Variants in CDH12 observed in about 807,000 individuals in gnomAD.
The protein encoded by CDH12 is cadherin 12, also known as cadherin-12.
CDH12 carries 41 observed loss-of-function variants against 74.1 expected under a neutral mutation model. The observed-to-expected ratio is 0.55, with a 90% CI of 0.43 to 0.72. The LOEUF is 0.72. Ranked by LOEUF, CDH12 falls within the 30% of genes least tolerant of loss-of-function variation. The pLI, the probability that CDH12 is intolerant of heterozygous loss-of-function variation, is 0.00. For synonymous variants in CDH12, 399 were observed against 355.0 expected, an observed-to-expected ratio of 1.12 and a Z score of -1.39; for missense variants, 945 against 977.2, an observed-to-expected ratio of 0.97 and a Z score of 0.44.
At chr5:21,936,312 C>T (rs1372186462) in intron 6 of CDH12, among the ~76,000 whole-genome samples, 2 of 152,116 alleles carry the variant, frequency 1.3e-5, no homozygotes, top group African/African-American at 4.8e-5. Context: ...ACTTTTTCCC[C>T]ACACATTTCT....
chr5:22,063,961 A>G (rs1456886327), intron 5 of CDH12, among the ~76,000 whole-genome samples: 1 of 149,862 alleles, frequency 6.7e-6, no homozygotes, highest in Non-Finnish European at 1.5e-5. Flanking sequence ...CTCATATATC[A>G]GAAACTGACT....
intron 4 of CDH12, among the ~76,000 whole-genome samples, chr5:22,200,910 GT>G (rs1267602986): frequency 6.6e-6 from 1 of 152,190 alleles, no homozygotes; most frequent in Admixed American, 6.5e-5. Context: ...ATTCAATGAT[GT>G]AATGAGTTCT....
chr5:22,084,184 T>C (rs1742921122), intron 4 of CDH12, among the ~76,000 whole-genome samples: 1 of 152,084 alleles, frequency 6.6e-6, no homozygotes, highest in Non-Finnish European at 1.5e-5. Context: ...AAGAAATAGC[T>C]GTTGTACAGA....
Position 22,493,380 on chromosome 5 carries a change from C to T in CDH12, c.-428+11890G>A, listed in dbSNP as rs190678814. ...ATACTGGGTTTGTTGAAGTCTCTAC[C>T]AAGGCACTCAAATAGGTGCATGAAA... On this transcript the variant is annotated intron_variant, in intron 2 of 14. Coordinates refer to ENST00000382254, the MANE Select transcript of CDH12 (RefSeq NM_004061.5). Among the ~76,000 whole-genome samples, 43 of 152,196 alleles carry T rather than the reference C, an allele frequency of 2.8e-4. No homozygotes were observed. In the East Asian group the frequency reaches 3.1e-3, roughly 11 times the overall value.
intron 8 of CDH12, among the ~76,000 whole-genome samples, chr5:21,832,793 AATAT>A (rs1360591466): frequency 8.8e-5 from 9 of 102,308 alleles, no homozygotes; most frequent in African/African-American, 1.1e-4. Flanking sequence ...TATATCATAT[AATAT>A]ATATATTATC....
intron 1 of CDH12, among the ~76,000 whole-genome samples, chr5:22,570,462 A>C (rs958539076): frequency 6.6e-6 from 1 of 152,168 alleles, no homozygotes; most frequent in Non-Finnish European, 1.5e-5. Flanking sequence ...ATCCCTGCGT[A>C]TATCTCCCTC....
chr5:22,472,637 C>A (rs1212744625), intron 2 of CDH12, among the ~76,000 whole-genome samples: 2 of 152,022 alleles, frequency 1.3e-5, no homozygotes, highest in Non-Finnish European at 2.9e-5. Flanking sequence ...AAAAAAAAAT[C>A]TATTATACTG....
intron 6 of CDH12, among the ~76,000 whole-genome samples, chr5:21,898,274 T>C (rs1579929829): frequency 1.3e-5 from 2 of 151,902 alleles, no homozygotes; most frequent in African/African-American, 4.8e-5. Flanking sequence ...CAGGATGGAG[T>C]GTAGTGGTGT....
chr5:22,616,737 T>A (rs531350628), intron 1 of CDH12, among the ~76,000 whole-genome samples: 1 of 152,070 alleles, frequency 6.6e-6, no homozygotes, highest in Admixed American at 6.6e-5. Context: ...ATGATCTGAA[T>A]GTCTGTGTCC....
intron 2 of CDH12, among the ~76,000 whole-genome samples, chr5:22,450,147 T>C (rs1744986057): frequency 6.6e-6 from 1 of 152,032 alleles, no homozygotes; most frequent in African/African-American, 2.4e-5. Context: ...CATTAATCTA[T>C]ATTATAGCTC....
chr5:22,742,303 C>T (rs1220264557), intron 1 of CDH12, among the ~76,000 whole-genome samples: 4 of 152,066 alleles, frequency 2.6e-5, no homozygotes, highest in African/African-American at 7.2e-5. Flanking sequence ...ATTGTCACTG[C>T]AATCAAGATC....
intron 1 of CDH12, among the ~76,000 whole-genome samples, chr5:22,740,906 A>G (rs1356042859): frequency 2.0e-5 from 3 of 152,142 alleles, no homozygotes; most frequent in Non-Finnish European, 1.5e-5. Flanking sequence ...TTAAATGAAC[A>G]TTGAGATATT....
chr5:22,394,290 A>T (rs967536476), intron 3 of CDH12, among the ~76,000 whole-genome samples: 1 of 152,290 alleles, frequency 6.6e-6, no homozygotes, highest in Admixed American at 6.5e-5. Context: ...ACTGTGATTC[A>T]CACAGGAGAA....
intron 3 of CDH12, among the ~76,000 whole-genome samples, chr5:22,282,984 C>A (rs150559435): frequency 0.038 from 5,838 of 151,858 alleles, 391 homozygotes; most frequent in African/African-American, 0.13. Flanking sequence ...GACTTGGAAC[C>A]AACCCAACTG....
At chr5:22,638,712 T>G (rs1403739460) in intron 1 of CDH12, 1 of 152,054 alleles carries the variant, frequency 6.6e-6, no homozygotes, top group Non-Finnish European at 1.5e-5. Context: ...ATGGTAGAGG[T>G]ATGCTCAGGA....
intron 6 of CDH12, among the ~76,000 whole-genome samples, chr5:21,954,310 T>C (rs1388236615): frequency 1.3e-5 from 2 of 152,000 alleles, no homozygotes; most frequent in African/African-American, 2.4e-5. Context: ...AATTAAATGT[T>C]ACATATTCCT....
chr5:22,068,130 A>G (rs540669954), intron 5 of CDH12, among the ~76,000 whole-genome samples: 2 of 152,300 alleles, frequency 1.3e-5, no homozygotes, highest in Admixed American at 1.3e-4. Flanking sequence ...TGACCCAGCA[A>G]GCCATAAAGT....
At chr5:22,577,416 G>A (rs1465857810) in intron 1 of CDH12, among the ~76,000 whole-genome samples, 3 of 152,042 alleles carry the variant, frequency 2.0e-5, no homozygotes, top group Non-Finnish European at 4.4e-5. Flanking sequence ...TCTTGTTCCA[G>A]ATATTACATA....
chr5:22,731,192 T>A (rs1300167938), intron 1 of CDH12, among the ~76,000 whole-genome samples: 1 of 151,866 alleles, frequency 6.6e-6, no homozygotes, highest in Non-Finnish European at 1.5e-5. Context: ...TATTCAGGTT[T>A]CACTTATTTG....
Sources: gnomAD v4.1 joint callset for allele counts (sites outside exome capture counted in the v4.1 genomes callset) on GRCh38, gnomAD v4.1.1 for gene constraint, MANE v1.5 for transcripts, NCBI Gene and HGNC (gene_info 2026-07-23, HGNC 2026-07-21) for gene names.